Variants in RANBP2 observed in about 807,000 individuals in gnomAD.
The protein encoded by RANBP2 is E3 SUMO-protein ligase RanBP2.
RANBP2 carries 57 observed loss-of-function variants against 303.6 expected under a neutral mutation model. The observed-to-expected ratio is 0.19, with a 90% CI of 0.15 to 0.23. The LOEUF is 0.23. Among genes scored for constraint, RANBP2 ranks in the 10% least tolerant of loss-of-function variants. The pLI, the probability that RANBP2 is intolerant of heterozygous loss-of-function variation, is 1.00. For synonymous variants in RANBP2, 1,167 were observed against 1,301.5 expected (o/e 0.90, Z 2.23); for missense variants, 3,138 against 3,780.8 (o/e 0.83, Z 4.46).
At chr2:109,499,515 C>A in the RANBP2 span, among the ~76,000 whole-genome samples, 1 of 152,196 alleles carries the variant, frequency 6.6e-6, no homozygotes, top group Admixed American at 6.5e-5. Flanking sequence ...GGGGCCCAGC[C>A]AGGCTTCGGG....
chr2:109,563,175 T>A, the RANBP2 span, among the ~76,000 whole-genome samples: 1 of 152,126 alleles, frequency 6.6e-6, no homozygotes. Context: ...CCTCCCAAAG[T>A]GCTGGGATTA....
the RANBP2 span, among the ~76,000 whole-genome samples, chr2:109,412,964 G>A: frequency 6.6e-6 from 1 of 152,256 alleles, no homozygotes; most frequent in East Asian, 1.9e-4. Flanking sequence ...TGGAGACCAC[G>A]GCACAGGCGG....
the RANBP2 span, among the ~76,000 whole-genome samples, chr2:109,038,314 T>C: frequency 1.3e-5 from 2 of 152,078 alleles, no homozygotes. Context: ...CTAAAAGATA[T>C]ATGAATTGAA....
chr2:109,389,848 T>TCA, the RANBP2 span, among the ~76,000 whole-genome samples: 1,635 of 152,250 alleles, frequency 0.011, 35 homozygotes, highest in African/African-American at 0.034. Flanking sequence ...AGAGAACAGG[T>TCA]CAGAGCCCAC....
the RANBP2 span, among the ~76,000 whole-genome samples, chr2:109,146,833 ACCCTC>A: frequency 2.1e-5 from 1 of 47,814 alleles, no homozygotes; most frequent in Non-Finnish European, 3.6e-5. Context: ...CCCCTTCCTA[ACCCTC>A]CCCTCCCCTC....
At chr2:108,828,372 G>A in the RANBP2 span, among the ~76,000 whole-genome samples, 3 of 152,146 alleles carry the variant, frequency 2.0e-5, no homozygotes, top group Non-Finnish European at 4.4e-5. Flanking sequence ...AAATTGATAT[G>A]GAATCTGAAG....
At chr2:108,923,669 G>A in the RANBP2 span, among the ~76,000 whole-genome samples, 150 of 152,340 alleles carry the variant, frequency 9.8e-4, no homozygotes, top group Non-Finnish European at 1.8e-3. Context: ...AGCTGCCAAC[G>A]TGGGCCTTTC....
the RANBP2 span, among the ~76,000 whole-genome samples, chr2:109,274,833 T>A: frequency 6.6e-6 from 1 of 152,036 alleles, no homozygotes; most frequent in South Asian, 2.1e-4. Context: ...ATTTATACTG[T>A]AATATTTGTA....
chr2:109,687,207 C>T, the RANBP2 span, among the ~76,000 whole-genome samples: 1 of 152,070 alleles, frequency 6.6e-6, no homozygotes, highest in Non-Finnish European at 1.5e-5. Flanking sequence ...TTGTAGGGCT[C>T]AATGCACTCA....
the RANBP2 span, among the ~76,000 whole-genome samples, chr2:109,230,480 T>C: frequency 6.6e-6 from 1 of 152,110 alleles, no homozygotes; most frequent in Non-Finnish European, 1.5e-5. Flanking sequence ...CTCGGGGGGC[T>C]GAGGCAGGAG....
the RANBP2 span, among the ~76,000 whole-genome samples, chr2:108,800,220 T>G: frequency 6.6e-6 from 1 of 152,194 alleles, no homozygotes; most frequent in Non-Finnish European, 1.5e-5. Context: ...GAGAATATTA[T>G]TGATTTTAAA....
the RANBP2 span, among the ~76,000 whole-genome samples, chr2:109,273,354 C>T: frequency 2.0e-5 from 3 of 152,224 alleles, no homozygotes; most frequent in Admixed American, 2.0e-4. Flanking sequence ...TTGGTCATCC[C>T]AAGCTCCATT....
chr2:109,397,683 G>A, the RANBP2 span, among the ~76,000 whole-genome samples: 4 of 152,316 alleles, frequency 2.6e-5, no homozygotes, highest in Middle Eastern at 3.4e-3. Context: ...TACCTCCCCA[G>A]GCTGTGTAAT....
chr2:109,478,664 G>C, the RANBP2 span, among the ~76,000 whole-genome samples: 2 of 152,090 alleles, frequency 1.3e-5, no homozygotes, highest in Admixed American at 1.3e-4. Flanking sequence ...TCCCACACTT[G>C]TTTATCAAAA....
the RANBP2 span, among the ~76,000 whole-genome samples, chr2:109,230,194 C>T: frequency 6.6e-6 from 1 of 151,828 alleles, no homozygotes; most frequent in Admixed American, 6.6e-5. Flanking sequence ...TTTATCCATT[C>T]AAATACGGAC....
the RANBP2 span, among the ~76,000 whole-genome samples, chr2:109,353,198 T>C: frequency 2.7e-4 from 41 of 152,220 alleles, no homozygotes; most frequent in South Asian, 1.4e-3. Flanking sequence ...CCTGATCCAC[T>C]TCTGGCCCCC....
chr2:108,861,785 C>A, the RANBP2 span, among the ~76,000 whole-genome samples: 3 of 151,986 alleles, frequency 2.0e-5, no homozygotes, highest in Admixed American at 2.0e-4. Flanking sequence ...CCGGCCTAAA[C>A]CTCGGCCTCC....
intron 17 of RANBP2, 23 bp downstream of exon 17, chr2:108,755,282 C>G: frequency 1.2e-6 from 2 of 1,611,598 alleles, no homozygotes; most frequent in Non-Finnish European, 1.7e-6. Flanking sequence ...ATTTCTCTAG[C>G]TGTACTTTTT....
At chr2:109,531,761 G>T in the RANBP2 span, among the ~76,000 whole-genome samples, 7 of 151,870 alleles carry the variant, frequency 4.6e-5, no homozygotes, top group African/African-American at 1.7e-4. Flanking sequence ...AAAGACATCA[G>T]TGCATAAATA....
Sources: gnomAD v4.1 joint callset for allele counts (sites outside exome capture counted in the v4.1 genomes callset) on GRCh38, gnomAD v4.1.1 for gene constraint, MANE v1.5 for transcripts, NCBI Gene and HGNC (gene_info 2026-07-23, HGNC 2026-07-21) for gene names.